Variants in PKN2 observed in about 807,000 individuals in gnomAD.
PKN2 encodes the protein serine/threonine-protein kinase N2.
Under a neutral mutation model 119.1 loss-of-function variants are expected in PKN2, and 38 were observed. The observed-to-expected ratio is 0.32, with a 90% CI of 0.25 to 0.42. PKN2 has a LOEUF of 0.42. Ranked by LOEUF, PKN2 falls within the 10% of genes least tolerant of loss-of-function variation. The pLI, the probability that PKN2 is intolerant of heterozygous loss-of-function variation, is 1.00. For synonymous variants in PKN2, 390 were observed against 384.9 expected (o/e 1.01, Z -0.15); for missense variants, 850 against 1,165.1 (o/e 0.73, Z 3.94).
Position 88,684,591 on chromosome 1 carries a change from A to T in PKN2, c.11A>T (p.Asn4Ile). The stretch of plus-strand genomic sequence containing the variant: ...CCATACCGGAGCGCAATGGCGTCCA[A>T]CCCCGAACGGGGGGAGATTCTGCTC... MAS[N>I]PERGEILLTE... Residue 4 changes from asparagine (N) to isoleucine (I), a missense_variant, in exon 1 of 22, where the codon AAC becomes ATC. Around this residue, in one of 9 missense-constraint regions of PKN2, gnomAD observed 73 missense variants for 61.2 expected, o/e 1.19. Transcript: ENST00000370521. 6.4e-7 allele frequency: 1 copy of T among 1,558,194 alleles called. No homozygotes were observed. The highest frequency in any genetic ancestry group is 2.5e-5 in the East Asian group (1 of 39,994).
chr1:88,763,832 G>C (rs145478293), intron 3 of PKN2, among the ~76,000 whole-genome samples: 1 of 152,070 alleles, frequency 6.6e-6, no homozygotes, highest in Non-Finnish European at 1.5e-5. Context: ...TTCTTAGATC[G>C]GTTATGTGGA....
At chr1:88,684,946 C>T (rs959054353) in intron 1 of PKN2, 12 of 313,262 alleles carry the variant, frequency 3.8e-5, no homozygotes, top group African/African-American at 2.4e-4. Flanking sequence ...CCGTCGCCCC[C>T]TCCCTCGGTG....
intron 1 of PKN2, among the ~76,000 whole-genome samples, chr1:88,706,357 T>G (rs76877405): frequency 6.6e-6 from 1 of 152,330 alleles, no homozygotes; most frequent in East Asian, 1.9e-4. Flanking sequence ...GCTGAATTCA[T>G]TTAGTAATTC....
intron 6 of PKN2, among the ~76,000 whole-genome samples, chr1:88,774,051 C>T (rs1283931688): frequency 3.9e-5 from 6 of 152,098 alleles, no homozygotes; most frequent in Non-Finnish European, 2.9e-5. Context: ...AAGCACTATA[C>T]TTAGGATTAC....
intron 2 of PKN2, among the ~76,000 whole-genome samples, chr1:88,756,521 A>C (rs1052559562): frequency 3.9e-5 from 6 of 152,034 alleles, no homozygotes; most frequent in African/African-American, 1.2e-4. Flanking sequence ...TACACCATCA[A>C]CTGTTTTACA....
At chr1:88,778,795 G>A (rs1670210475) in intron 6 of PKN2, among the ~76,000 whole-genome samples, 1 of 151,756 alleles carries the variant, frequency 6.6e-6, no homozygotes. Context: ...CTCACTGCAA[G>A]CTCCGCCTCC....
intron 8 of PKN2, among the ~76,000 whole-genome samples, chr1:88,799,415 C>G (rs1671219640): frequency 6.6e-6 from 1 of 152,124 alleles, no homozygotes; most frequent in Non-Finnish European, 1.5e-5. Flanking sequence ...ATTATTGTTT[C>G]TTGAGGTGGT....
In PKN2 at chr1:88,804,434, C is replaced by T; in HGVS notation, c.1325C>T (p.Ser442Phe). ...TCAGTTTATTGGCGTGATTGGCGGT[C>T]TCTGTGTGCTGTAAAATTTCTGAGG... ...EISVYWRDWR[S>F]LCAVKFLRLE... Residue 442 changes from serine to phenylalanine, a missense_variant, in exon 9 of 22, where the codon TCT becomes TTT. Ser to Phe is a radical substitution (Grantham distance 155). Coordinates refer to ENST00000370521, the MANE Select transcript of PKN2 (RefSeq NM_006256.4). The T allele has an allele frequency of 6.2e-7, 1 of 1,612,892 alleles. No individual in the cohort carries two copies. The highest frequency in any genetic ancestry group is 8.5e-7 in the Non-Finnish European group (1 of 1,179,372).
chr1:88,742,685 G>C (rs1668621729), intron 2 of PKN2, among the ~76,000 whole-genome samples: 1 of 151,598 alleles, frequency 6.6e-6, no homozygotes, highest in African/African-American at 2.4e-5. Context: ...GAAATAGCCT[G>C]TTCCATGGAA....
chr1:88,715,605 G>A (rs896442691), intron 1 of PKN2, among the ~76,000 whole-genome samples: 3 of 152,078 alleles, frequency 2.0e-5, no homozygotes, highest in Non-Finnish European at 4.4e-5. Context: ...TGTGGGATCG[G>A]TGGTGATACC....
chr1:88,797,402 G>A (rs1031246570), intron 8 of PKN2, among the ~76,000 whole-genome samples: 20 of 151,802 alleles, frequency 1.3e-4, no homozygotes, highest in Non-Finnish European at 2.6e-4. Context: ...CCAGCACTTT[G>A]GGAGGCTCAG....
intron 18 of PKN2, 40 bp from the exon 19 acceptor site, chr1:88,828,441 T>A: frequency 6.5e-7 from 1 of 1,543,078 alleles, no homozygotes; most frequent in Non-Finnish European, 8.8e-7. Flanking sequence ...GCTAGATTTG[T>A]TTTCTTTGCT....
In PKN2 at chr1:88,836,045, C is replaced by T. The variant is rs1392570850; in HGVS notation, c.*2597C>T. 6.6e-6 allele frequency: 1 copy of T among 151,734 alleles called. No homozygotes were observed. The highest frequency in any genetic ancestry group is 1.5e-5 in the Non-Finnish European group (1 of 67,890). 9.4% of individuals were successfully genotyped at this position (151,734 alleles called of 1,614,324 possible). A position where few individuals can be genotyped will look rare whatever the true frequency, so the allele number is the denominator to read the frequency against. On this transcript the variant is annotated 3_prime_UTR_variant, in exon 22 of 22. Coordinates refer to ENST00000370521, the MANE Select transcript of PKN2 (RefSeq NM_006256.4). The stretch of plus-strand genomic sequence containing the variant: ...GGTCAGTAGCATCTTTTATTTGAAG[C>T]ATATTTATGGACTGCTTACTGTGTA...
intron 19 of PKN2, among the ~76,000 whole-genome samples, chr1:88,831,738 G>A (rs1056089130): frequency 2.0e-5 from 3 of 151,970 alleles, no homozygotes; most frequent in African/African-American, 7.2e-5. Flanking sequence ...CAAATCTAAC[G>A]AGGCTAAGTA....
At chr1:88,780,761 A>G (rs1162563932) in intron 6 of PKN2, among the ~76,000 whole-genome samples, 1 of 152,204 alleles carries the variant, frequency 6.6e-6, no homozygotes, top group Non-Finnish European at 1.5e-5. Flanking sequence ...TTTTGGCTCA[A>G]TGCTGAACAC....
chr1:88,707,269 C>T (rs958617838), intron 1 of PKN2, among the ~76,000 whole-genome samples: 4 of 152,006 alleles, frequency 2.6e-5, no homozygotes, highest in African/African-American at 9.7e-5. Flanking sequence ...CTGCCTACTA[C>T]GTTTCCTTGC....
In PKN2 at chr1:88,693,199, G is replaced by T. The variant is rs767753077; in HGVS notation, c.48+8571G>T. 2.6e-5 allele frequency among the ~76,000 whole-genome samples: 4 copies of T among 152,144 alleles called. No homozygotes were observed. The East Asian group carries it at 7.7e-4, about 29-fold the overall frequency. Reference sequence around the variant, plus strand: ...AATATTTTATTCTTTTGTTTAAAGGGCAGTATATTCCGTAAGATTATGTGA... The same window carrying T: ...AATATTTTATTCTTTTGTTTAAAGGTCAGTATATTCCGTAAGATTATGTGA... On this transcript the variant is annotated intron_variant, in intron 1 of 21. Transcript: ENST00000370521.
chr1:88,724,480 A>T (rs1003770396), intron 1 of PKN2, among the ~76,000 whole-genome samples: 1 of 151,338 alleles, frequency 6.6e-6, no homozygotes, highest in Non-Finnish European at 1.5e-5. Context: ...ATTACTTCTG[A>T]TTTACTTTTT....
At chr1:88,743,289 A>G (rs908909394) in intron 2 of PKN2, among the ~76,000 whole-genome samples, 2 of 152,180 alleles carry the variant, frequency 1.3e-5, no homozygotes, top group Non-Finnish European at 2.9e-5. Context: ...GTGTGCACCC[A>G]GCTAACCATC....
Sources: gnomAD v4.1 joint callset for allele counts (sites outside exome capture counted in the v4.1 genomes callset) on GRCh38, gnomAD v4.1.1 for gene constraint, gnomAD v4.1.1 regional missense constraint, MANE v1.5 for transcripts, NCBI Gene and HGNC (gene_info 2026-07-23, HGNC 2026-07-21) for gene names.